Variants in CDH13 observed in about 807,000 individuals in gnomAD.
CDH13 encodes the protein cadherin-13.
CDH13 carries 24 observed loss-of-function variants against 63.8 expected under a neutral mutation model. The ratio of observed to expected loss-of-function variants is 0.38; its 90% CI spans 0.27 to 0.53. The LOEUF is 0.53. CDH13 is among the 20% of genes least tolerant of loss of function. CDH13 has a pLI of 0.85. For missense variants in CDH13, 1,049 were observed against 903.1 expected, an observed-to-expected ratio of 1.16 and a Z score of -2.07; for synonymous variants, 503 against 355.3, an observed-to-expected ratio of 1.42 and a Z score of -4.67.
At chr16:82,978,091 C>G (rs1436555920) in intron 2 of CDH13, among the ~76,000 whole-genome samples, 1 of 152,090 alleles carries the variant, frequency 6.6e-6, no homozygotes, top group African/African-American at 2.4e-5. Context: ...GCACTTTGAA[C>G]TGGAGAGAGA....
intron 3 of CDH13, among the ~76,000 whole-genome samples, chr16:83,084,622 C>G (rs956843108): frequency 2.6e-5 from 4 of 152,216 alleles, no homozygotes; most frequent in African/African-American, 9.6e-5. Context: ...GGTGCAGTGG[C>G]TCATGCCTGT....
chr16:83,449,492 A>G (rs1413512077), intron 6 of CDH13, among the ~76,000 whole-genome samples: 1 of 152,170 alleles, frequency 6.6e-6, no homozygotes, highest in Non-Finnish European at 1.5e-5. Context: ...ATTTCTGGAA[A>G]TATCACTCGG....
At chr16:83,100,003 T>G (rs2034396609) in intron 3 of CDH13, among the ~76,000 whole-genome samples, 1 of 152,142 alleles carries the variant, frequency 6.6e-6, no homozygotes. Context: ...TCACAATCTC[T>G]GTTTCTGCTA....
chr16:82,799,401 C>G (rs75130870), intron 1 of CDH13, among the ~76,000 whole-genome samples: 24,765 of 152,112 alleles, frequency 0.16, 2,343 homozygotes, highest in East Asian at 0.34. Context: ...AGTAATTTAC[C>G]GTAAGATGGG....
At position 83,051,073 on chromosome 16, in the gene CDH13, C is replaced by G. The variant is rs551229663; in HGVS notation, c.366+18855C>G. The stretch of plus-strand genomic sequence containing the variant: ...TTTTAAGTTTATCTTTCTCCCTTTT[C>G]CTGTGATCCAATCTGCGTGCCTGTT... On this transcript the variant is annotated intron_variant, in intron 3 of 13. Transcript: ENST00000567109. Among the ~76,000 whole-genome samples the G allele has an allele frequency of 3.3e-5, 5 of 152,284 alleles. 1 individual carries two copies. Among genetic ancestry groups the G allele is most frequent in the African/African-American group, 9.6e-5 (4 of 41,556 alleles).
chr16:83,244,482 T>TA (rs1904786845), intron 5 of CDH13, among the ~76,000 whole-genome samples: 1 of 152,176 alleles, frequency 6.6e-6, no homozygotes. Context: ...GCTCGGTGTT[T>TA]AACATACATT....
intron 1 of CDH13, among the ~76,000 whole-genome samples, chr16:82,638,607 A>AG (rs1025962439): frequency 2.0e-5 from 3 of 152,114 alleles, no homozygotes; most frequent in African/African-American, 4.8e-5. Context: ...GACTCACTTA[A>AG]GGGGGGAAAT....
chr16:83,080,959 G>A (rs952508323), intron 3 of CDH13, among the ~76,000 whole-genome samples: 5 of 123,784 alleles, frequency 4.0e-5, no homozygotes, highest in South Asian at 2.8e-4. Flanking sequence ...TTGGCTCACC[G>A]CAACCTCTGC....
At chr16:83,197,112 T>A (rs1024624885) in intron 4 of CDH13, among the ~76,000 whole-genome samples, 7 of 152,120 alleles carry the variant, frequency 4.6e-5, no homozygotes, top group Non-Finnish European at 8.8e-5. Flanking sequence ...AGCAATAAAA[T>A]GAATGAATTA....
intron 1 of CDH13, among the ~76,000 whole-genome samples, chr16:82,847,099 G>C (rs1213679757): frequency 6.6e-6 from 1 of 151,656 alleles, no homozygotes; most frequent in East Asian, 1.9e-4. Flanking sequence ...CCTCTATTTT[G>C]CCCTCTTCAT....
intron 1 of CDH13, among the ~76,000 whole-genome samples, chr16:82,643,388 C>T (rs1296960951): frequency 6.6e-6 from 1 of 152,112 alleles, no homozygotes. Flanking sequence ...TCAAAAGATC[C>T]CCATTGTCCA....
rs546741962 is a variant in CDH13, at chr16:83,588,903, C to T, written c.961-13551C>T. 2.6e-4 allele frequency among the ~76,000 whole-genome samples: 40 copies of T among 152,288 alleles called. No homozygotes were observed. In the South Asian group the frequency reaches 4.6e-3, roughly 17 times the overall value. ...CACGTGGAGCCAGGAGGCTGCTGGG[C>T]GTCTCAGTGTTCCAGGAAACTCAGC... On this transcript the variant is annotated intron_variant, in intron 7 of 13. Coordinates refer to ENST00000567109, the MANE Select transcript of CDH13 (RefSeq NM_001257.5).
chr16:83,666,430 A>T (rs1260687532), intron 8 of CDH13, among the ~76,000 whole-genome samples: 2 of 152,238 alleles, frequency 1.3e-5, no homozygotes, highest in Admixed American at 1.3e-4. Context: ...AATGTTTTCC[A>T]TATTTAAAGA....
chr16:82,855,415 G>A (rs1334649958), intron 1 of CDH13, among the ~76,000 whole-genome samples: 1 of 152,170 alleles, frequency 6.6e-6, no homozygotes, highest in East Asian at 1.9e-4. Context: ...CAGTTTCCTG[G>A]TCTGGGAGCT....
intron 8 of CDH13, among the ~76,000 whole-genome samples, chr16:83,607,759 T>C (rs1321535521): frequency 6.6e-6 from 1 of 152,250 alleles, no homozygotes; most frequent in East Asian, 1.9e-4. Context: ...TACGTATGAC[T>C]TCAACTAACT....
chr16:83,611,398 T>C (rs1434596662), intron 8 of CDH13, among the ~76,000 whole-genome samples: 3 of 152,096 alleles, frequency 2.0e-5, no homozygotes, highest in Non-Finnish European at 4.4e-5. Flanking sequence ...TTTGTGTTTT[T>C]CCAGGAATTT....
intron 4 of CDH13, among the ~76,000 whole-genome samples, chr16:83,132,627 G>A (rs1448993600): frequency 2.6e-5 from 4 of 151,754 alleles, no homozygotes; most frequent in Non-Finnish European, 5.9e-5. Flanking sequence ...TATTTTTTTA[G>A]TAGAGACAGG....
intron 2 of CDH13, among the ~76,000 whole-genome samples, chr16:83,022,270 T>C (rs1373370465): frequency 6.6e-6 from 1 of 152,212 alleles, no homozygotes; most frequent in Non-Finnish European, 1.5e-5. Flanking sequence ...TGCAGGACCT[T>C]CATGCTGAGG....
chr16:83,337,967 C>T (rs2090635122), intron 5 of CDH13, among the ~76,000 whole-genome samples: 1 of 152,006 alleles, frequency 6.6e-6, no homozygotes, highest in Non-Finnish European at 1.5e-5. Flanking sequence ...CAAAAACATT[C>T]AGCAAGTGTG....
Sources: allele counts gnomAD v4.1 joint callset (sites outside exome capture counted in the v4.1 genomes callset), GRCh38; gene constraint gnomAD v4.1.1; transcripts MANE v1.5; gene names NCBI Gene and HGNC (gene_info 2026-07-23, HGNC 2026-07-21).